The following MTM1 variants were observed in gnomAD, a reference collection of about 807,000 sequenced individuals.
MTM1 encodes myotubularin.
MTM1 carries 9 observed loss-of-function variants against 52.1 expected under a neutral mutation model. The ratio of observed to expected loss-of-function variants is 0.17; its 90% confidence interval spans 0.10 to 0.30. MTM1 has a LOEUF of 0.30. Among genes scored for constraint, MTM1 ranks in the 10% least tolerant of loss-of-function variants. The pLI, the probability that MTM1 is intolerant of heterozygous loss-of-function variation, is 1.00. For missense variants in MTM1, 277 were observed against 470.7 expected (o/e 0.59, Z 3.81); for synonymous variants, 136 against 163.8 (o/e 0.83, Z 1.29).
Position 150,657,946 on chromosome X carries a change from G to A in MTM1, c.1179G>A (p.Leu393=), listed in dbSNP as rs782211814. Residue 393 remains leucine (L), a synonymous_variant, in exon 11 of 15, where the codon TTG becomes TTA. Transcript: ENST00000370396. ...AQLTSLAMLM[L]DSFYRSIEGF... ...TGACATCCTTGGCCATGCTGATGTT[G>A]GATAGCTTCTATAGGAGCATTGAAG... is the stretch of plus-strand genomic sequence containing the variant. 5.0e-6 allele frequency: 6 copies of A among 1,209,050 alleles called. No homozygotes were observed. In the East Asian group the frequency reaches 8.9e-5, roughly 18 times the overall value.
At chrX:150,564,194 T>C (rs190854875), upstream of MTM1, among the ~76,000 whole-genome samples, 33 of 111,807 alleles carry the variant, frequency 3.0e-4, 1 homozygote, top group African/African-American at 1.0e-3. Flanking sequence ...ATGCAGTATA[T>C]AATATTTTGT....
chrX:150,619,949 C>T (rs1189295857), intron 6 of MTM1, among the ~76,000 whole-genome samples: 2 of 111,937 alleles, frequency 1.8e-5, no homozygotes, highest in African/African-American at 6.5e-5. Context: ...ATGTGTTGAA[C>T]GCAGATGAAA....
Position 150,672,410 on chromosome X carries a change from T to C in MTM1, c.*815T>C, listed in dbSNP as rs1557415184. ...AGCATCCTGCTGCTTAGGGGAATGTTTTCGCAAATGTTGCTCTAGTCAGTC... is the reference window on the plus strand; with the variant it reads ...AGCATCCTGCTGCTTAGGGGAATGTCTTCGCAAATGTTGCTCTAGTCAGTC... On this transcript the variant is annotated 3_prime_UTR_variant, in exon 15 of 15. Coordinates refer to ENST00000370396, the MANE Select transcript of MTM1 (RefSeq NM_000252.3). The C allele has an allele frequency of 8.9e-6, 1 of 111,854 alleles. No individual in the cohort carries two copies. Among genetic ancestry groups the C allele is most frequent in the Non-Finnish European group, 1.9e-5 (1 of 53,189 alleles). 9.2% of individuals were successfully genotyped at this position (111,854 alleles called of 1,213,427 possible).
intron 1 of MTM1, among the ~76,000 whole-genome samples, chrX:150,571,841 T>G (rs996002971): frequency 1.8e-5 from 2 of 111,877 alleles, no homozygotes; most frequent in African/African-American, 6.5e-5. Context: ...AAGAGAGGCC[T>G]TCTTCTAGTT....
chrX:150,668,112 G>A (rs958804683), intron 14 of MTM1, among the ~76,000 whole-genome samples: 2 of 112,637 alleles, frequency 1.8e-5, no homozygotes, highest in East Asian at 2.8e-4. Context: ...AGATTGCAGC[G>A]ATGCTGCCAT....
chrX:150,588,597 G>A (rs781899857), intron 1 of MTM1, among the ~76,000 whole-genome samples: 4 of 111,544 alleles, frequency 3.6e-5, no homozygotes, highest in African/African-American at 3.3e-5. Flanking sequence ...GAAAAAGGGC[G>A]CGGTGAAAGA....
intron 1 of MTM1, among the ~76,000 whole-genome samples, chrX:150,571,722 G>A (rs782786802): frequency 8.9e-6 from 1 of 112,303 alleles, no homozygotes; most frequent in South Asian, 3.7e-4. Context: ...TTGGTTCCAG[G>A]CGACGCTGGC....
intron 14 of MTM1, among the ~76,000 whole-genome samples, chrX:150,668,474 C>T (rs892764557): frequency 6.5e-5 from 7 of 107,361 alleles, no homozygotes. Context: ...ATCACCTGAG[C>T]CCAGAAATTC....
intron 6 of MTM1, among the ~76,000 whole-genome samples, chrX:150,623,015 C>T (rs2266849): frequency 0.37 from 41,217 of 110,666 alleles, 6,741 homozygotes; most frequent in East Asian, 0.69. Flanking sequence ...TTCTTTTCCC[C>T]TCAAACATGC....
intron 6 of MTM1, among the ~76,000 whole-genome samples, chrX:150,633,049 A>G (rs889506199): frequency 2.7e-5 from 3 of 112,054 alleles, no homozygotes; most frequent in African/African-American, 6.5e-5. Context: ...AACTACAGTG[A>G]GAAGAGGGAC....
Position 150,645,862 on chromosome X carries a change from G to A in MTM1, c.858G>A (p.Val286=). 8.3e-7 allele frequency: 1 copy of A among 1,209,625 alleles called. No homozygotes were observed. The highest frequency in any genetic ancestry group is 1.8e-5 in the South Asian group (1 of 56,942). Residue 286 remains valine (V), a synonymous_variant, in exon 9 of 15, where the codon GTG becomes GTA. Transcript: ENST00000370396. The part of the protein sequence containing the change: ...IYDARPSVNA[V]ANKATGGGYE... ...ATGCAAGACCCAGCGTAAATGCAGT[G>A]GCCAACAAGGTGAGTGGACTTAATG...
chrX:150,631,038 C>G (rs1302868641), intron 6 of MTM1, among the ~76,000 whole-genome samples: 3 of 111,972 alleles, frequency 2.7e-5, no homozygotes, highest in Non-Finnish European at 5.6e-5. Flanking sequence ...ACTTTGTGTC[C>G]ACAGTGTTTA....
chrX:150,654,002 C>T (rs921361342), intron 10 of MTM1, among the ~76,000 whole-genome samples: 2 of 111,398 alleles, frequency 1.8e-5, no homozygotes, highest in African/African-American at 6.5e-5. Flanking sequence ...GCCCAAAGCA[C>T]GAGATATCAA....
chrX:150,642,460 T>A (rs2039863874), intron 8 of MTM1, among the ~76,000 whole-genome samples: 2 of 112,508 alleles, frequency 1.8e-5, no homozygotes, highest in South Asian at 3.7e-4. Context: ...ATGATTTTTT[T>A]AATTCACTTG....
Position 150,580,635 on chromosome X carries a change from G to A in MTM1, c.-10-11970G>A, listed in dbSNP as rs782359334. On this transcript the variant is annotated intron_variant, in intron 1 of 14. Coordinates refer to ENST00000370396, the MANE Select transcript of MTM1 (RefSeq NM_000252.3). Reference sequence around the variant, plus strand: ...ACGTTCAGTCCTTTCACCTTCTTCTGTAACAAGGATACGTGGTTGTTTGTA... The same window carrying A: ...ACGTTCAGTCCTTTCACCTTCTTCTATAACAAGGATACGTGGTTGTTTGTA... 2.7e-5 allele frequency among the ~76,000 whole-genome samples: 3 copies of A among 109,584 alleles called. No homozygotes were observed. The South Asian group carries it at 1.2e-3, about 43-fold the overall frequency.
upstream of MTM1, chrX:150,568,617 C>G (rs2038298758): frequency 8.9e-6 from 1 of 112,722 alleles, no homozygotes; most frequent in African/African-American, 3.2e-5. Flanking sequence ...GAGCAGGGCC[C>G]GGCAGCCGAG....
chrX:150,615,513 G>A (rs781790456), intron 5 of MTM1, among the ~76,000 whole-genome samples: 1 of 108,181 alleles, frequency 9.2e-6, no homozygotes, highest in South Asian at 4.0e-4. Context: ...GTCTTAATTT[G>A]AAGACCTGGG....
Position 150,596,354 on chromosome X carries a change from A to T in MTM1, c.64-144A>T. The stretch of plus-strand genomic sequence containing the variant: ...GCCAGATTGTAACTTTTTTGTTTGA[A>T]TTTTTGTGCCAGTTTTCCCAAATGC... On this transcript the variant is annotated intron_variant, in intron 2 of 14. Coordinates refer to ENST00000370396, the MANE Select transcript of MTM1 (RefSeq NM_000252.3). 1.9e-5 allele frequency: 9 copies of T among 484,052 alleles called. No homozygotes were observed. In the Admixed American group the frequency reaches 1.9e-4, roughly 10 times the overall value. 39.9% of individuals were successfully genotyped at this position (484,052 alleles called of 1,213,427 possible).
intron 10 of MTM1, among the ~76,000 whole-genome samples, chrX:150,652,474 A>G (rs1028706576): frequency 6.5e-5 from 7 of 107,743 alleles, no homozygotes; most frequent in African/African-American, 2.4e-4. Flanking sequence ...TTCAGGCTGC[A>G]GTGACCTATT....
Sources: gnomAD v4.1 joint callset for allele counts (sites outside exome capture counted in the v4.1 genomes callset) on GRCh38, gnomAD v4.1.1 for gene constraint, MANE v1.5 for transcripts, NCBI Gene and HGNC (gene_info 2026-07-23, HGNC 2026-07-21) for gene names.